Variants in PCDHGB1 observed in about 807,000 individuals in gnomAD.
PCDHGB1 encodes protocadherin gamma subfamily B, 1, also known as protocadherin gamma-B1.
A neutral mutation model predicts 56.6 loss-of-function variants in PCDHGB1; 34 were observed. The observed-to-expected ratio is 0.60, with a 90% confidence interval of 0.46 to 0.80. The LOEUF is 0.80. Ranked by LOEUF, PCDHGB1 falls within the 30% of genes least tolerant of loss-of-function variation. PCDHGB1 has a pLI of 0.00. For missense variants in PCDHGB1, 1,278 were observed against 1,204.6 expected (o/e 1.06, Z -0.90); for synonymous variants, 561 against 505.9 (o/e 1.11, Z -1.46).
intron 1 of PCDHGB1, chr5:141,362,146 G>A (rs1351583274): frequency 9.9e-6 from 16 of 1,613,938 alleles, no homozygotes; most frequent in Non-Finnish European, 1.4e-5. Flanking sequence ...CCTGCAAGAG[G>A]TATTGCCAGA....
In PCDHGB1 at chr5:141,352,251, T is replaced by C. The variant is rs201454130; in HGVS notation, c.1991T>C (p.Leu664Pro). ...ATLHLIFADS[L>P]QEVLPDLSDR... ...CTGCACCTAATCTTCGCGGATAGCC[T>C]GCAAGAGGTATTGCCAGACCTCAGC... Residue 664 changes from leucine to proline, a missense_variant, in exon 1 of 4, where the codon CTG becomes CCG. Leu to Pro is a moderately conservative substitution (Grantham distance 98). Coordinates refer to ENST00000523390, the MANE Select transcript of PCDHGB1 (RefSeq NM_018922.3). 14 of 1,614,082 alleles carry C rather than the reference T, an allele frequency of 8.7e-6. No homozygotes were observed. The highest frequency in any genetic ancestry group is 1.1e-5 in the Non-Finnish European group (13 of 1,179,902).
chr5:141,466,148 G>A (rs1201643685), intron 1 of PCDHGB1, among the ~76,000 whole-genome samples: 1 of 151,814 alleles, frequency 6.6e-6, no homozygotes, highest in Non-Finnish European at 1.5e-5. Flanking sequence ...GAAAACTCTG[G>A]TCTTAAACTG....
chr5:141,356,683 A>G, intron 1 of PCDHGB1: 1 of 1,613,916 alleles, frequency 6.2e-7, no homozygotes, highest in Non-Finnish European at 8.5e-7. Flanking sequence ...GGCCGAAGAC[A>G]CCTTCCAGGG....
At chr5:141,510,311 C>T (rs375516156) in intron 3 of PCDHGB1, among the ~76,000 whole-genome samples, 98 of 151,056 alleles carry the variant, frequency 6.5e-4, no homozygotes, top group African/African-American at 2.3e-3. Flanking sequence ...GAAATGGAGG[C>T]TTGGAAGAGC....
At chr5:141,421,578 T>C in intron 1 of PCDHGB1, 4 of 1,613,886 alleles carry the variant, frequency 2.5e-6, no homozygotes, top group Non-Finnish European at 3.4e-6. Flanking sequence ...CCTTGAAGAT[T>C]TACGGAGTGG....
At chr5:141,382,924 G>A in intron 1 of PCDHGB1, 1 of 1,568,666 alleles carries the variant, frequency 6.4e-7, no homozygotes, top group Non-Finnish European at 8.7e-7. Flanking sequence ...GAGGGGCGGG[G>A]ACTACAGAGG....
At chr5:141,406,748 A>G (rs180930343) in intron 1 of PCDHGB1, among the ~76,000 whole-genome samples, 80 of 152,312 alleles carry the variant, frequency 5.3e-4, no homozygotes, top group Non-Finnish European at 1.5e-4. Context: ...GTGAAATGAC[A>G]AAACAAGGAA....
Position 141,486,151 on chromosome 5 carries a change from T to C in PCDHGB1, c.2410-8656T>C, listed in dbSNP as rs570065848. The C allele has an allele frequency of 2.7e-5, 44 of 1,613,914 alleles. No individual in the cohort carries two copies. In the South Asian group the frequency reaches 4.3e-4, roughly 16 times the overall value. ...TTGATGTGCGGGCTCGCGATGGGGGTTCTCCAGCCATGGAGCAACATTGCA... is the reference window on the plus strand; with the variant it reads ...TTGATGTGCGGGCTCGCGATGGGGGCTCTCCAGCCATGGAGCAACATTGCA... On this transcript the variant is annotated intron_variant, in intron 1 of 3. Transcript: ENST00000523390. The surrounding 1 kb of genome is among the most constrained non-coding windows in gnomAD (Gnocchi z 5.0).
intron 1 of PCDHGB1, chr5:141,362,490 C>T: frequency 6.2e-7 from 1 of 1,614,048 alleles, no homozygotes; most frequent in Non-Finnish European, 8.5e-7. Flanking sequence ...GTGACAATGC[C>T]TCTTGGGAAC....
In PCDHGB1 at chr5:141,485,013, C is replaced by A. The variant is rs551059588; in HGVS notation, c.2410-9794C>A. ...GTGAAAGGCAGACAAATCTACCCCG[C>A]CACCAGCAAAAACGGCGCGTAACCC... On this transcript the variant is annotated intron_variant, in intron 1 of 3. Coordinates refer to ENST00000523390, the MANE Select transcript of PCDHGB1 (RefSeq NM_018922.3). This position sits in a 1 kb window ranked among gnomAD's most constrained non-coding sequence, Gnocchi z 5.7. The A allele has an allele frequency of 6.3e-6, 4 of 634,556 alleles. No homozygotes were observed. Among genetic ancestry groups the A allele is most frequent in the South Asian group, 3.9e-5 (2 of 51,594 alleles). The allele number at this position is 634,556 out of a possible 1,614,324, so 39.3% of individuals were successfully genotyped here. A position where few individuals can be genotyped will look rare whatever the true frequency, so the allele number is the denominator to read the frequency against.
intron 1 of PCDHGB1, chr5:141,409,953 C>T: frequency 6.2e-7 from 1 of 1,613,398 alleles, no homozygotes; most frequent in Non-Finnish European, 8.5e-7. Context: ...TCTGCAGAGC[C>T]CGGCTACCTA....
At chr5:141,502,169 G>A (rs1366413076) in intron 2 of PCDHGB1, among the ~76,000 whole-genome samples, 1 of 152,110 alleles carries the variant, frequency 6.6e-6, no homozygotes, top group African/African-American at 2.4e-5. Flanking sequence ...ATTCAGTTGA[G>A]GAATTTAACA....
intron 1 of PCDHGB1, chr5:141,393,783 G>C: frequency 6.2e-7 from 1 of 1,613,982 alleles, no homozygotes. Context: ...AGCCGAAGAT[G>C]TGGGGGCACT....
rs535194185 is a variant in PCDHGB1, at chr5:141,485,480, A to C, written c.2410-9327A>C. 6.2e-7 allele frequency: 1 copy of C among 1,614,154 alleles called. No individual in the cohort carries two copies. The highest frequency in any genetic ancestry group is 1.7e-5 in the Admixed American group (1 of 60,020). On this transcript the variant is annotated intron_variant, in intron 1 of 3. Coordinates refer to ENST00000523390, the MANE Select transcript of PCDHGB1 (RefSeq NM_018922.3). This position sits in a 1 kb window ranked among gnomAD's most constrained non-coding sequence, Gnocchi z 5.7. The stretch of plus-strand genomic sequence containing the variant: ...ACTGTGTGGGCTCAGTGCCAGCTGC[A>C]TCGTGCCCCTGGAGTTTGTCACCGA...
At chr5:141,369,703 A>G (rs757750981) in intron 1 of PCDHGB1, among the ~76,000 whole-genome samples, 12 of 152,254 alleles carry the variant, frequency 7.9e-5, no homozygotes, top group Admixed American at 1.3e-4. Flanking sequence ...AAAAGCTATG[A>G]CATTATAACT....
chr5:141,438,685 G>A (rs2098051190), intron 1 of PCDHGB1, among the ~76,000 whole-genome samples: 1 of 143,314 alleles, frequency 7.0e-6, no homozygotes, highest in Non-Finnish European at 1.5e-5. Context: ...GTAGGGGATG[G>A]AGTCTTGCTC....
At chr5:141,421,522 A>G in intron 1 of PCDHGB1, 1 of 1,614,068 alleles carries the variant, frequency 6.2e-7, no homozygotes, top group Non-Finnish European at 8.5e-7. Context: ...GCTCTGTGAG[A>G]CGGTGTCCTC....
At chr5:141,395,351 G>A (rs2093220052) in intron 1 of PCDHGB1, 1 of 1,366,364 alleles carries the variant, frequency 7.3e-7, no homozygotes, top group East Asian at 2.5e-5. Context: ...GTGTATCACA[G>A]AGTTTTGGGT....
chr5:141,483,756 G>C (rs11739909), intron 1 of PCDHGB1, among the ~76,000 whole-genome samples: 24,641 of 152,020 alleles, frequency 0.16, 2,128 homozygotes, highest in African/African-American at 0.22. Context: ...GAGGATCGAG[G>C]CTTGGAAAAA....
Sources: allele counts gnomAD v4.1 joint callset (sites outside exome capture counted in the v4.1 genomes callset), GRCh38; gene constraint gnomAD v4.1.1; non-coding constraint Gnocchi (gnomAD v3.1); transcripts MANE v1.5; gene names NCBI Gene and HGNC (gene_info 2026-07-23, HGNC 2026-07-21).